Variants in HPCAL1 observed in about 807,000 individuals in gnomAD.
HPCAL1 encodes hippocalcin-like protein 1.
Under a neutral mutation model 17.1 loss-of-function variants are expected in HPCAL1, and 8 were observed. The observed-to-expected ratio is 0.47, with a 90% CI of 0.27 to 0.84. The LOEUF (loss-of-function observed/expected upper bound fraction) is 0.84. Ranked by LOEUF, HPCAL1 falls within the 40% of genes least tolerant of loss-of-function variation. HPCAL1 has a pLI of 0.13. For synonymous variants in HPCAL1, 112 were observed against 111.4 expected (o/e 1.01, Z -0.03); for missense variants, 165 against 271.1 (o/e 0.61, Z 2.75).
At chr2:10,334,903 C>A (rs755865133) in intron 1 of HPCAL1, among the ~76,000 whole-genome samples, 3 of 152,230 alleles carry the variant, frequency 2.0e-5, no homozygotes, top group Non-Finnish European at 2.9e-5. Flanking sequence ...GTCTTGAACT[C>A]CTGAGCGCAA....
At chr2:10,383,530 T>C (rs1668103990) in intron 1 of HPCAL1, among the ~76,000 whole-genome samples, 1 of 152,078 alleles carries the variant, frequency 6.6e-6, no homozygotes, top group African/African-American at 2.4e-5. Flanking sequence ...ACCCAGCTAA[T>C]TTTTGTATTT....
At chr2:10,415,567 T>G (rs1376070007) in intron 2 of HPCAL1, among the ~76,000 whole-genome samples, 1 of 151,978 alleles carries the variant, frequency 6.6e-6, no homozygotes, top group Non-Finnish European at 1.5e-5. Flanking sequence ...GCAAGGACCG[T>G]ATGGGTTTTG....
chr2:10,426,218 A>G (rs1671394386), intron 4 of HPCAL1: 1 of 152,728 alleles, frequency 6.5e-6, no homozygotes, highest in Admixed American at 6.5e-5. Flanking sequence ...ATCTTTTTCT[A>G]GGTTTTCCTC....
intron 1 of HPCAL1, among the ~76,000 whole-genome samples, chr2:10,320,592 T>C (rs1004834158): frequency 6.6e-6 from 1 of 152,214 alleles, no homozygotes; most frequent in African/African-American, 2.4e-5. Flanking sequence ...TCTCAGGTAG[T>C]TCTTTATAGC....
At chr2:10,398,000 C>T (rs994136877) in intron 2 of HPCAL1, among the ~76,000 whole-genome samples, 1 of 152,162 alleles carries the variant, frequency 6.6e-6, no homozygotes, top group African/African-American at 2.4e-5. Context: ...GTATCTGGAC[C>T]AGCAGGACCT....
intron 1 of HPCAL1, among the ~76,000 whole-genome samples, chr2:10,311,883 ACCATCATCATTG>A (rs1424625688): frequency 6.6e-6 from 1 of 151,726 alleles, no homozygotes; most frequent in Non-Finnish European, 1.5e-5. Context: ...CATCATCATT[ACCATCATCATTG>A]CTGTCGCTAT....
chr2:10,356,412 AG>A (rs1157150422), intron 1 of HPCAL1, among the ~76,000 whole-genome samples: 1 of 152,100 alleles, frequency 6.6e-6, no homozygotes, highest in African/African-American at 2.4e-5. Context: ...CTGGGGTAAA[AG>A]CAAGAGGAGA....
rs1486563947 is a variant in HPCAL1 at position 10,365,203 on chromosome 2, G to C, written c.-110-31632G>C. 1.3e-5 allele frequency among the ~76,000 whole-genome samples: 2 copies of C among 152,170 alleles called. No homozygotes were observed. Among genetic ancestry groups the C allele is most frequent in the Admixed American group, 1.3e-4 (2 of 15,274 alleles). ...AGGAGAAATGGAGGCCGCCAGAGAG[G>C]TCTAGGCCTCCGACCCTGACCTTGC... On this transcript the variant is annotated intron_variant, in intron 1 of 4. Transcript: ENST00000307845. The surrounding 1 kb of genome is among the most constrained non-coding windows in gnomAD (Gnocchi z 4.8).
In HPCAL1 at chr2:10,331,417, C is replaced by T. The variant is rs1664369357; in HGVS notation, c.-111+28240C>T. On this transcript the variant is annotated intron_variant, in intron 1 of 4. Coordinates refer to ENST00000307845, the MANE Select transcript of HPCAL1 (RefSeq NM_002149.4). The surrounding 1 kb of genome is among the most constrained non-coding windows in gnomAD (Gnocchi z 5.0). Reference sequence around the variant, plus strand: ...CGGAGTTCTGCAGGCACGGGGCTGGCTCCTTTCTTCATGTCCCTTGTCCCA... The same window carrying T: ...CGGAGTTCTGCAGGCACGGGGCTGGTTCCTTTCTTCATGTCCCTTGTCCCA... Among the ~76,000 whole-genome samples, 1 of 152,212 alleles carries T rather than the reference C, an allele frequency of 6.6e-6. No homozygotes were observed. Among genetic ancestry groups the T allele is most frequent in the African/African-American group, 2.4e-5 (1 of 41,464 alleles).
At chr2:10,321,588 GA>G (rs528161033) in intron 1 of HPCAL1, among the ~76,000 whole-genome samples, 1 of 152,072 alleles carries the variant, frequency 6.6e-6, no homozygotes, top group Non-Finnish European at 1.5e-5. Context: ...CATCACCCCA[GA>G]AAAAAATCTC....
intron 1 of HPCAL1, among the ~76,000 whole-genome samples, chr2:10,350,849 G>A (rs1039272674): frequency 1.3e-5 from 2 of 152,172 alleles, no homozygotes; most frequent in African/African-American, 2.4e-5. Flanking sequence ...CATTAGTCAC[G>A]AGGGAAATGC....
Position 10,352,121 on chromosome 2 carries a change from G to A in HPCAL1, c.-110-44714G>A, listed in dbSNP as rs181730699. Among the ~76,000 whole-genome samples the A allele has an allele frequency of 3.9e-5, 6 of 152,008 alleles. No individual in the cohort carries two copies. In the East Asian group the frequency reaches 5.8e-4, roughly 15 times the overall value. The stretch of plus-strand genomic sequence containing the variant: ...TTTTGCCTTATTGGCCAGGCTGGTC[G>A]CAAACTCCTGACCTCAAGTGATCCA... On this transcript the variant is annotated intron_variant, in intron 1 of 4. Transcript: ENST00000307845.
At chr2:10,345,427 C>T (rs111673839) in intron 1 of HPCAL1, among the ~76,000 whole-genome samples, 26 of 151,938 alleles carry the variant, frequency 1.7e-4, no homozygotes, top group African/African-American at 5.6e-4. Context: ...ATGAATGTGA[C>T]CTACTGTGGT....
rs1558518894 is a variant in HPCAL1, at chr2:10,399,557, TACC to T, written c.-25+2638_-25+2640del. Among the ~76,000 whole-genome samples, 31 of 84,246 alleles carry T rather than the reference TACC, an allele frequency of 3.7e-4. 1 individual carries two copies. Among genetic ancestry groups the T allele is most frequent in the African/African-American group, 1.4e-3 (31 of 21,834 alleles). 55.3% of individuals were successfully genotyped at this position (84,246 alleles called of 152,430 possible). On this transcript the variant is annotated intron_variant, in intron 2 of 4. Coordinates refer to ENST00000307845, the MANE Select transcript of HPCAL1 (RefSeq NM_002149.4). Reference sequence around the variant, plus strand: ...CCACCGCCACCATCACCGCCACCACTACCGCCACCGCCACCACCACCGCCACCG... The same window carrying T: ...CCACCGCCACCATCACCGCCACCACTGCCACCGCCACCACCACCGCCACCG...
At chr2:10,326,381 G>A (rs1031446406) in intron 1 of HPCAL1, among the ~76,000 whole-genome samples, 1 of 152,228 alleles carries the variant, frequency 6.6e-6, no homozygotes, top group Non-Finnish European at 1.5e-5. Flanking sequence ...TGGCATCACA[G>A]GTTCTAAAGC....
chr2:10,367,726 A>T lies in HPCAL1; in HGVS notation c.-110-29109A>T, dbSNP rs1221542371. Among the ~76,000 whole-genome samples, 1 of 152,158 alleles carries T rather than the reference A, an allele frequency of 6.6e-6. No individual in the cohort carries two copies. Among genetic ancestry groups the T allele is most frequent in the Non-Finnish European group, 1.5e-5 (1 of 68,030 alleles). On this transcript the variant is annotated intron_variant, in intron 1 of 4. Transcript: ENST00000307845. The surrounding 1 kb of genome is among the most constrained non-coding windows in gnomAD (Gnocchi z 4.4). ...ACTCCCATGGAAAGCCTTAGAACTG[A>T]TGTCAGTGTGAGCCCTGTGCTGGAG... is the stretch of plus-strand genomic sequence containing the variant.
At chr2:10,425,907 A>G (rs3755259) in intron 4 of HPCAL1, 36,774 of 152,118 alleles carry the variant, frequency 0.24, 4,846 homozygotes, top group Non-Finnish European at 0.3. Context: ...CCTTGAGGCC[A>G]TGTCTGAACG....
intron 1 of HPCAL1, among the ~76,000 whole-genome samples, chr2:10,396,407 C>G (rs116661919): frequency 4.3e-4 from 65 of 152,320 alleles, no homozygotes; most frequent in African/African-American, 1.5e-3. Flanking sequence ...ACCCTCGTAA[C>G]AGCCCTGGGT....
chr2:10,372,673 A>G (rs1667298176), intron 1 of HPCAL1, among the ~76,000 whole-genome samples: 1 of 152,152 alleles, frequency 6.6e-6, no homozygotes, highest in Admixed American at 6.5e-5. Flanking sequence ...GCCTGCCCGG[A>G]GGGTGGCGTG....
Sources: gnomAD v4.1 joint callset for allele counts (sites outside exome capture counted in the v4.1 genomes callset) on GRCh38, gnomAD v4.1.1 for gene constraint, Gnocchi (gnomAD v3.1) non-coding constraint, MANE v1.5 for transcripts, NCBI Gene and HGNC (gene_info 2026-07-23, HGNC 2026-07-21) for gene names.